WWOX: variants seen among roughly 807,000 people sequenced by gnomAD.
The protein encoded by WWOX is WW domain-containing oxidoreductase.
A neutral mutation model predicts 46.2 loss-of-function variants in WWOX; 69 were observed. The ratio of observed to expected loss-of-function variants is 1.49; its 90% CI spans 1.23 to 1.82. The LOEUF is 1.82. Among genes scored for constraint, WWOX ranks in the 40% most tolerant of loss-of-function variants. WWOX has a pLI of 0.00. For missense variants in WWOX, 919 were observed against 542.6 expected (o/e 1.69, Z -6.89); for synonymous variants, 359 against 202.6 (o/e 1.77, Z -6.56).
chr16:78,116,144 A>T (rs1305697047), intron 4 of WWOX, among the ~76,000 whole-genome samples: 1 of 152,216 alleles, frequency 6.6e-6, no homozygotes, highest in Non-Finnish European at 1.5e-5. Context: ...CCTTTGAGTG[A>T]TAAACAATTC....
intron 5 of WWOX, among the ~76,000 whole-genome samples, chr16:78,176,056 G>C (rs977939061): frequency 2.1e-4 from 32 of 152,166 alleles, no homozygotes; most frequent in African/African-American, 5.5e-4. Context: ...TCCCCATGCT[G>C]CCCATCCCAT....
At chr16:78,980,470 A>G (rs1344384989) in intron 8 of WWOX, among the ~76,000 whole-genome samples, 1 of 152,246 alleles carries the variant, frequency 6.6e-6, no homozygotes, top group Non-Finnish European at 1.5e-5. Flanking sequence ...AATTTTCACA[A>G]TTAATTGTGC....
At chr16:78,664,237 A>G (rs1202866091) in intron 8 of WWOX, among the ~76,000 whole-genome samples, 2 of 152,098 alleles carry the variant, frequency 1.3e-5, no homozygotes, top group Admixed American at 6.5e-5. Flanking sequence ...TTCAAATGTA[A>G]TTGTCAGTTT....
At chr16:78,900,835 G>C (rs1597125878) in intron 8 of WWOX, among the ~76,000 whole-genome samples, 2 of 121,480 alleles carry the variant, frequency 1.6e-5, no homozygotes, top group African/African-American at 6.1e-5. Flanking sequence ...CTTTTAATCA[G>C]AGCCTTTTTT....
chr16:78,103,400 T>C (rs1486506851), intron 1 of WWOX, among the ~76,000 whole-genome samples: 1 of 152,058 alleles, frequency 6.6e-6, no homozygotes, highest in Admixed American at 6.6e-5. Context: ...GCATTAGCTA[T>C]TTATTGTATA....
intron 8 of WWOX, among the ~76,000 whole-genome samples, chr16:78,592,708 A>C (rs1403629426): frequency 1.3e-5 from 2 of 152,186 alleles, no homozygotes; most frequent in Non-Finnish European, 2.9e-5. Flanking sequence ...CAAGGACCCA[A>C]ACATGGTGGT....
chr16:78,185,974 A>G (rs561760955), intron 5 of WWOX, among the ~76,000 whole-genome samples: 90 of 152,238 alleles, frequency 5.9e-4, no homozygotes, highest in African/African-American at 2.0e-3. Flanking sequence ...CCTCAAAGTG[A>G]CTTTAACAGC....
At chr16:78,583,309 A>G (rs975630273) in intron 8 of WWOX, among the ~76,000 whole-genome samples, 4 of 152,184 alleles carry the variant, frequency 2.6e-5, no homozygotes. Flanking sequence ...AACTGGCTCC[A>G]AAGGAAATGT....
intron 8 of WWOX, among the ~76,000 whole-genome samples, chr16:78,522,725 C>T (rs965834067): frequency 6.6e-6 from 1 of 152,228 alleles, no homozygotes; most frequent in Admixed American, 6.5e-5. Context: ...AACAGAGGAG[C>T]TCTGATGAGA....
chr16:78,920,245 C>T (rs966281166), intron 8 of WWOX, among the ~76,000 whole-genome samples: 11 of 152,298 alleles, frequency 7.2e-5, no homozygotes, highest in East Asian at 1.9e-4. Flanking sequence ...TCTTCCAGGA[C>T]GTGACACCTG....
chr16:78,110,481 T>C (rs2032429085), intron 3 of WWOX, among the ~76,000 whole-genome samples: 3 of 152,328 alleles, frequency 2.0e-5, no homozygotes, highest in Admixed American at 6.5e-5. Context: ...TCTAGAGTTA[T>C]TATTTTGTAC....
At chr16:78,952,704 A>C (rs2046086398) in intron 8 of WWOX, among the ~76,000 whole-genome samples, 1 of 151,886 alleles carries the variant, frequency 6.6e-6, no homozygotes. Context: ...TTTGTTTATT[A>C]ATTCCTATTT....
intron 5 of WWOX, chr16:78,168,253 C>T (rs1376677944): frequency 6.6e-6 from 1 of 152,258 alleles, no homozygotes; most frequent in Non-Finnish European, 1.5e-5. Flanking sequence ...CTCTTCCTGC[C>T]TTCACTGCAC....
chr16:78,405,913 T>C (rs1448766150), intron 6 of WWOX, among the ~76,000 whole-genome samples: 2 of 152,124 alleles, frequency 1.3e-5, no homozygotes, highest in Admixed American at 6.5e-5. Flanking sequence ...CGCCATCTTA[T>C]CTGTCACATA....
chr16:78,970,829 G>A (rs964660501), intron 8 of WWOX, among the ~76,000 whole-genome samples: 3 of 152,132 alleles, frequency 2.0e-5, no homozygotes, highest in African/African-American at 7.2e-5. Context: ...TCATGTACCA[G>A]GAAGTCTTGG....
chr16:78,238,806 A>T (rs2037528344), intron 5 of WWOX, among the ~76,000 whole-genome samples: 1 of 151,786 alleles, frequency 6.6e-6, no homozygotes, highest in Non-Finnish European at 1.5e-5. Flanking sequence ...TTTAGTAGAG[A>T]TGGGGCTTCT....
intron 8 of WWOX, among the ~76,000 whole-genome samples, chr16:78,949,427 C>G (rs531943615): frequency 1.3e-5 from 2 of 152,284 alleles, no homozygotes; most frequent in South Asian, 4.1e-4. Context: ...ATGTTTCCTC[C>G]TACAACCTGG....
chr16:78,374,625 T>G (rs1462532901), intron 5 of WWOX, among the ~76,000 whole-genome samples: 1 of 144,534 alleles, frequency 6.9e-6, no homozygotes, highest in Admixed American at 7.1e-5. Flanking sequence ...CTTGGCTCAC[T>G]GCAAGCTCCG....
intron 8 of WWOX, among the ~76,000 whole-genome samples, chr16:78,904,700 G>A (rs1031094291): frequency 3.9e-5 from 6 of 152,136 alleles, no homozygotes; most frequent in Non-Finnish European, 8.8e-5. Context: ...TAATTATGCT[G>A]GGACAATAGG....
Sources: gnomAD v4.1 joint callset for allele counts (sites outside exome capture counted in the v4.1 genomes callset) on GRCh38, gnomAD v4.1.1 for gene constraint, MANE v1.5 for transcripts, NCBI Gene and HGNC (gene_info 2026-07-23, HGNC 2026-07-21) for gene names.